The following DCC variants were observed in gnomAD, a reference collection of about 807,000 sequenced individuals.
DCC encodes netrin receptor DCC.
Under a neutral mutation model 172.5 loss-of-function variants are expected in DCC, and 58 were observed. The ratio of observed to expected loss-of-function variants is 0.34; its 90% CI spans 0.27 to 0.42. The LOEUF is 0.42. Among genes scored for constraint, DCC ranks in the 10% least tolerant of loss-of-function variants. The pLI is 1.00. For missense variants in DCC, 1,740 were observed against 1,791.0 expected, an observed-to-expected ratio of 0.97 and a Z score of 0.51; for synonymous variants, 709 against 644.5, an observed-to-expected ratio of 1.10 and a Z score of -1.52.
chr18:52,567,334 T>G (rs1425189946), intron 1 of DCC, among the ~76,000 whole-genome samples: 1 of 152,120 alleles, frequency 6.6e-6, no homozygotes, highest in Non-Finnish European at 1.5e-5. Flanking sequence ...TCACATCATC[T>G]TTAGCCATTA....
chr18:52,407,539 A>C (rs1986695524), intron 1 of DCC, among the ~76,000 whole-genome samples: 1 of 151,966 alleles, frequency 6.6e-6, no homozygotes, highest in Non-Finnish European at 1.5e-5. Flanking sequence ...GGGCCTCTTA[A>C]AATTATTCTT....
intron 5 of DCC, among the ~76,000 whole-genome samples, chr18:53,056,326 A>G (rs960328960): frequency 3.3e-5 from 5 of 152,082 alleles, no homozygotes; most frequent in African/African-American, 7.2e-5. Context: ...TGATCCAGTC[A>G]TCTCCCACCA....
At chr18:53,259,050 T>A (rs1313261965) in intron 12 of DCC, among the ~76,000 whole-genome samples, 1 of 152,214 alleles carries the variant, frequency 6.6e-6, no homozygotes, top group Non-Finnish European at 1.5e-5. Context: ...TTTTTTTGTT[T>A]TCCATTTGCT....
chr18:52,956,112 T>G (rs1465743969), intron 5 of DCC, among the ~76,000 whole-genome samples: 1 of 152,008 alleles, frequency 6.6e-6, no homozygotes, highest in Non-Finnish European at 1.5e-5. Flanking sequence ...ATTTTGCCTT[T>G]AGTGTTGTAT....
intron 22 of DCC, among the ~76,000 whole-genome samples, chr18:53,435,470 G>C (rs538688273): frequency 1.3e-5 from 2 of 152,120 alleles, no homozygotes; most frequent in Non-Finnish European, 2.9e-5. Context: ...GAGAAGCCCA[G>C]CATGGAGCAC....
At chr18:52,548,751 A>C (rs1483631688) in intron 1 of DCC, among the ~76,000 whole-genome samples, 5 of 152,092 alleles carry the variant, frequency 3.3e-5, no homozygotes, top group African/African-American at 9.7e-5. Context: ...TTACATTCAG[A>C]TGGAATATTT....
chr18:53,113,065 T>C (rs185967929), intron 7 of DCC, among the ~76,000 whole-genome samples: 19 of 151,586 alleles, frequency 1.3e-4, no homozygotes, highest in Middle Eastern at 3.4e-3. Flanking sequence ...AATGAGTTTC[T>C]AGGGCTCCAG....
intron 23 of DCC, among the ~76,000 whole-genome samples, chr18:53,457,616 A>G (rs2045499720): frequency 6.6e-6 from 1 of 152,224 alleles, no homozygotes; most frequent in Admixed American, 6.5e-5. Context: ...GGAGTAGATT[A>G]CACAGGGAGC....
At chr18:53,340,546 T>C (rs535705267) in intron 15 of DCC, among the ~76,000 whole-genome samples, 61 of 152,308 alleles carry the variant, frequency 4.0e-4, no homozygotes, top group African/African-American at 1.5e-3. Flanking sequence ...CCTCATTTTT[T>C]ACTGAATACA....
chr18:52,406,151 C>G (rs370771594), intron 1 of DCC, among the ~76,000 whole-genome samples: 5 of 149,790 alleles, frequency 3.3e-5, no homozygotes, highest in African/African-American at 1.2e-4. Context: ...CCCTTCCTTA[C>G]ACCTTATACA....
intron 8 of DCC, among the ~76,000 whole-genome samples, chr18:53,178,668 A>C (rs1260965357): frequency 6.6e-6 from 1 of 152,090 alleles, no homozygotes; most frequent in African/African-American, 2.4e-5. Flanking sequence ...CTTGTTTTTC[A>C]TGGGTTTTGA....
intron 1 of DCC, among the ~76,000 whole-genome samples, chr18:52,435,285 C>CTG (rs113328646): frequency 1.5e-4 from 22 of 151,716 alleles, no homozygotes; most frequent in Non-Finnish European, 2.7e-4. Context: ...TCCCTCTTGC[C>CTG]TGTGTGTGTG....
chr18:52,601,906 T>A (rs1258592495), intron 1 of DCC, among the ~76,000 whole-genome samples: 1 of 152,042 alleles, frequency 6.6e-6, no homozygotes, highest in Non-Finnish European at 1.5e-5. Flanking sequence ...ATTTTCTTAC[T>A]TTTTTTGACT....
At chr18:52,814,835 A>G (rs16955556) in intron 2 of DCC, among the ~76,000 whole-genome samples, 8,984 of 152,242 alleles carry the variant, frequency 0.059, 415 homozygotes, top group African/African-American at 0.13. Context: ...GATTCTCTGA[A>G]TGGAGGAAAA....
intron 1 of DCC, among the ~76,000 whole-genome samples, chr18:52,499,363 C>T (rs1481661611): frequency 1.3e-5 from 2 of 152,116 alleles, no homozygotes; most frequent in Non-Finnish European, 2.9e-5. Context: ...TGTGAAGATA[C>T]ATCCAGCTTC....
chr18:53,407,089 A>T (rs549681643), intron 19 of DCC, among the ~76,000 whole-genome samples: 1 of 152,286 alleles, frequency 6.6e-6, no homozygotes, highest in South Asian at 2.1e-4. Context: ...TAAGTGAATA[A>T]TTTTACATAG....
intron 9 of DCC, among the ~76,000 whole-genome samples, chr18:53,184,642 G>T (rs1035886528): frequency 3.3e-5 from 5 of 152,090 alleles, no homozygotes; most frequent in Non-Finnish European, 5.9e-5. Flanking sequence ...CATAGAAAAG[G>T]TAATGCATTG....
At chr18:52,530,317 T>A (rs938804894) in intron 1 of DCC, among the ~76,000 whole-genome samples, 1 of 152,104 alleles carries the variant, frequency 6.6e-6, no homozygotes, top group African/African-American at 2.4e-5. Flanking sequence ...AGCAGTTAAG[T>A]GATTTGTTCA....
At chr18:53,133,277 T>A (rs756520653) in intron 7 of DCC, among the ~76,000 whole-genome samples, 23 of 152,214 alleles carry the variant, frequency 1.5e-4, no homozygotes, top group Admixed American at 5.9e-4. Context: ...CTGCTCCAGA[T>A]ATAAAACTGT....
Sources: gnomAD v4.1 joint callset for allele counts (sites outside exome capture counted in the v4.1 genomes callset) on GRCh38, gnomAD v4.1.1 for gene constraint, MANE v1.5 for transcripts, NCBI Gene and HGNC (gene_info 2026-07-23, HGNC 2026-07-21) for gene names.